The following STRADB variants were observed in gnomAD, a reference collection of about 807,000 sequenced individuals.
The protein encoded by STRADB is STE20 related adaptor beta.
In STRADB, 34 loss-of-function variants were observed where a neutral mutation model predicts 52.1. The observed-to-expected ratio is 0.65, with a 90% confidence interval of 0.50 to 0.87. STRADB has a LOEUF of 0.87. Ranked by LOEUF, STRADB falls within the 40% of genes least tolerant of loss-of-function variation. STRADB has a pLI of 0.00. For missense variants in STRADB, 340 were observed against 483.9 expected (o/e 0.70, Z 2.79); for synonymous variants, 133 against 174.5 (o/e 0.76, Z 1.87).
At position 201,480,429 on chromosome 2, in the gene STRADB, G is replaced by C. The variant is rs1952552792; in HGVS notation, c.*254G>C. ...CATTTATTCTGGAATTTTTTTCTAAGCTGTGACTAACTCTTTTTATCTCTC... is the reference window on the plus strand; with the variant it reads ...CATTTATTCTGGAATTTTTTTCTAACCTGTGACTAACTCTTTTTATCTCTC... On this transcript the variant is annotated 3_prime_UTR_variant, in exon 12 of 12. Transcript: ENST00000194530. 8 of 1,214,300 alleles carry C rather than the reference G, an allele frequency of 6.6e-6. No individual in the cohort carries two copies. Among genetic ancestry groups the C allele is most frequent in the Non-Finnish European group, 8.2e-6 (8 of 974,426 alleles). The allele number at this position is 1,214,300 out of a possible 1,614,324, so 75.2% of individuals were successfully genotyped here. A position where few individuals can be genotyped will look rare whatever the true frequency, so the allele number is the denominator to read the frequency against.
chr2:201,480,353 GCA>G lies in STRADB; in HGVS notation c.*181_*182del, dbSNP rs1952551710. On this transcript the variant is annotated 3_prime_UTR_variant, in exon 12 of 12. Transcript: ENST00000194530. ...CACCAGTTTGTAGTCCCTCTGTTTC[GCA>G]CAGAGTACTATGACAAGGAAACATC... 1.4e-6 allele frequency: 2 copies of G among 1,435,666 alleles called. No homozygotes were observed. The highest frequency in any genetic ancestry group is 5.7e-5 in the Admixed American group (2 of 35,186). The allele number at this position is 1,435,666 out of a possible 1,614,324, so 88.9% of individuals were successfully genotyped here.
intron 5 of STRADB, among the ~76,000 whole-genome samples, chr2:201,473,798 A>T (rs1243401086): frequency 6.6e-6 from 1 of 151,620 alleles, no homozygotes; most frequent in African/African-American, 2.4e-5. Context: ...ACAGAATTGC[A>T]TTTCAGGTAT....
intron 6 of STRADB, among the ~76,000 whole-genome samples, chr2:201,475,088 C>G (rs1005701261): frequency 6.6e-6 from 1 of 152,214 alleles, no homozygotes; most frequent in Non-Finnish European, 1.5e-5. Context: ...CTCTGCCCCC[C>G]ATCCCTGTCC....
At chr2:201,462,590 G>A (rs973682336) in intron 3 of STRADB, among the ~76,000 whole-genome samples, 3 of 152,056 alleles carry the variant, frequency 2.0e-5, no homozygotes, top group Non-Finnish European at 4.4e-5. Flanking sequence ...CATGAGGCTT[G>A]CAAATAACAT....
intron 4 of STRADB, among the ~76,000 whole-genome samples, chr2:201,471,364 T>C (rs1256726149): frequency 6.6e-6 from 1 of 152,094 alleles, no homozygotes; most frequent in Non-Finnish European, 1.5e-5. Flanking sequence ...TTCATGTGGT[T>C]GGATTTAGAA....
In STRADB at chr2:201,469,391, T is replaced by G. The variant is rs370035300; in HGVS notation, c.94-562T>G. Among the ~76,000 whole-genome samples, 7 of 152,340 alleles carry G rather than the reference T, an allele frequency of 4.6e-5. No individual in the cohort carries two copies. The East Asian group carries it at 1.3e-3, about 29-fold the overall frequency. Reference sequence around the variant, plus strand: ...TCACTCCAAAGCACACCATGAGACCTCCTATCAGTACTTGGTCATTCACTT... The same window carrying G: ...TCACTCCAAAGCACACCATGAGACCGCCTATCAGTACTTGGTCATTCACTT... On this transcript the variant is annotated intron_variant, in intron 3 of 11. Coordinates refer to ENST00000194530, the MANE Select transcript of STRADB (RefSeq NM_018571.6).
chr2:201,461,658 T>G (rs1952218512), intron 3 of STRADB, among the ~76,000 whole-genome samples: 1 of 138,810 alleles, frequency 7.2e-6, no homozygotes, highest in Admixed American at 7.2e-5. Flanking sequence ...TTGTTTTTTC[T>G]TTTGCTGTGC....
intron 2 of STRADB, among the ~76,000 whole-genome samples, chr2:201,456,748 C>T (rs1952133950): frequency 6.6e-6 from 1 of 152,142 alleles, no homozygotes; most frequent in Non-Finnish European, 1.5e-5. Flanking sequence ...GGTCTAACTA[C>T]TTTTTACTTG....
intron 1 of STRADB, among the ~76,000 whole-genome samples, chr2:201,453,008 C>T (rs941751122): frequency 6.6e-6 from 1 of 151,804 alleles, no homozygotes; most frequent in Admixed American, 6.6e-5. Flanking sequence ...AAGAGCATGC[C>T]GGAGAAAATT....
chr2:201,459,592 T>C (rs1007470061), intron 3 of STRADB, among the ~76,000 whole-genome samples: 1 of 152,186 alleles, frequency 6.6e-6, no homozygotes, highest in African/African-American at 2.4e-5. Context: ...CTGCTACTGC[T>C]CAGGTCTCAT....
rs550452375 is a variant in STRADB, at chr2:201,461,947, C to T, written c.93+3083C>T. 3.2e-4 allele frequency among the ~76,000 whole-genome samples: 48 copies of T among 152,198 alleles called. No individual in the cohort carries two copies. In the South Asian group the frequency reaches 5.2e-3, roughly 16 times the overall value. On this transcript the variant is annotated intron_variant, in intron 3 of 11. Transcript: ENST00000194530. The stretch of plus-strand genomic sequence containing the variant: ...CACTTATTGAAGAGACTATCCTTTC[C>T]CCAGTGTATGTTCTTGGCTTCTTTG...
intron 2 of STRADB, among the ~76,000 whole-genome samples, chr2:201,458,583 G>A (rs922591884): frequency 1.3e-5 from 2 of 152,160 alleles, no homozygotes; most frequent in Non-Finnish European, 2.9e-5. Flanking sequence ...TATGAAGTTT[G>A]TCTGCATGCC....
chr2:201,456,805 G>A (rs1188416576), intron 2 of STRADB, among the ~76,000 whole-genome samples: 5 of 152,134 alleles, frequency 3.3e-5, no homozygotes, highest in African/African-American at 1.2e-4. Flanking sequence ...AATATTCAAA[G>A]GGAAAAGGTA....
chr2:201,471,442 G>A (rs1394765901), intron 4 of STRADB, among the ~76,000 whole-genome samples: 1 of 152,174 alleles, frequency 6.6e-6, no homozygotes, highest in Non-Finnish European at 1.5e-5. Flanking sequence ...TTGTCCTTCC[G>A]CTAGAGAGAC....
Position 201,473,076 on chromosome 2 carries a change from G to A in STRADB, c.315G>A (p.Gln105=). ...NCNEERLKAL[Q]KAVILSHFFR... is the part of the protein sequence containing the mutation. ...ATGAAGAACGCCTGAAAGCTTTACA[G>A]GTAACAATATGAAGAAAATGATACA... The change falls in exon 5 of 12, where the codon CAG becomes CAA. Residue 105 remains glutamine, a splice_region_variant and synonymous_variant. Coordinates refer to ENST00000194530, the MANE Select transcript of STRADB (RefSeq NM_018571.6). 6.2e-7 allele frequency: 1 copy of A among 1,610,584 alleles called. No individual in the cohort carries two copies. Among genetic ancestry groups the A allele is most frequent in the Non-Finnish European group, 8.5e-7 (1 of 1,179,062 alleles).
At chr2:201,475,104 A>G (rs1156287402) in intron 6 of STRADB, among the ~76,000 whole-genome samples, 1 of 152,106 alleles carries the variant, frequency 6.6e-6, no homozygotes, top group Non-Finnish European at 1.5e-5. Flanking sequence ...TGTCCGTTTC[A>G]CTGCATTGTA....
chr2:201,457,772 C>G (rs113719398), intron 2 of STRADB, among the ~76,000 whole-genome samples: 1 of 152,262 alleles, frequency 6.6e-6, no homozygotes, highest in South Asian at 2.1e-4. Context: ...ATAATCCCAG[C>G]ACTTTGGAAG....
chr2:201,457,398 C>T (rs1952143969), intron 2 of STRADB: 2 of 152,168 alleles, frequency 1.3e-5, no homozygotes, highest in Admixed American at 1.3e-4. Context: ...AGAAACTCTG[C>T]AGAGGAATCA....
chr2:201,478,191 G>A lies in STRADB; in HGVS notation c.825G>A (p.Gln275=). 6.2e-7 allele frequency: 1 copy of A among 1,610,198 alleles called. No homozygotes were observed. The highest frequency in any genetic ancestry group is 8.5e-7 in the Non-Finnish European group (1 of 1,178,662). ...QVPFQDMHRT[Q]MLLQKLKGPP... The stretch of plus-strand genomic sequence containing the variant: ...CTTTCCAGGACATGCATAGAACTCA[G>A]GTAAGTGCTGCTAAAATCCCTGAGC... The change falls in exon 9 of 12, where the codon CAG becomes CAA. Residue 275 remains glutamine (Q), a splice_region_variant and synonymous_variant. Coordinates refer to ENST00000194530, the MANE Select transcript of STRADB (RefSeq NM_018571.6).
Sources: gnomAD v4.1 joint callset for allele counts (sites outside exome capture counted in the v4.1 genomes callset) on GRCh38, gnomAD v4.1.1 for gene constraint, MANE v1.5 for transcripts, NCBI Gene and HGNC (gene_info 2026-07-23, HGNC 2026-07-21) for gene names.